The following SEMA5A variants were observed in gnomAD, a reference collection of about 807,000 sequenced individuals.
The protein encoded by SEMA5A is semaphorin 5A, also known as semaphorin-5A.
Under a neutral mutation model 135.5 loss-of-function variants are expected in SEMA5A, and 55 were observed. That is an observed-to-expected ratio of 0.41 (90% CI 0.33 to 0.51). The LOEUF (loss-of-function observed/expected upper bound fraction) is 0.51, where lower values mean the gene tolerates loss of function less well. Among genes scored for constraint, SEMA5A ranks in the 20% least tolerant of loss-of-function variants. The pLI, the probability that SEMA5A is intolerant of heterozygous loss-of-function variation, is 0.37. For synonymous variants in SEMA5A, 580 were observed against 546.5 expected (o/e 1.06, Z -0.85); for missense variants, 1,290 against 1,419.9 (o/e 0.91, Z 1.47).
intron 1 of SEMA5A, among the ~76,000 whole-genome samples, chr5:9,504,430 C>T (rs1271315343): frequency 6.6e-6 from 1 of 152,118 alleles, no homozygotes; most frequent in East Asian, 1.9e-4. Flanking sequence ...CTTCTGCAAG[C>T]TCTAGAGATG....
chr5:9,054,071 G>T lies in SEMA5A; in HGVS notation c.2689+16C>A. On this transcript the variant is annotated intron_variant, in intron 19 of 22. Coordinates refer to ENST00000382496, the MANE Select transcript of SEMA5A (RefSeq NM_003966.3). The stretch of plus-strand genomic sequence containing the variant: ...AATTTGTCTGAAAGCTGTGCAGTAG[G>T]TGAGGTGCCGCTTACCTGGGCAGGG... 6.3e-7 allele frequency: 1 copy of T among 1,596,144 alleles called. No homozygotes were observed. Among genetic ancestry groups the T allele is most frequent in the Non-Finnish European group, 8.5e-7 (1 of 1,173,084 alleles).
At chr5:9,390,176 T>C (rs1048539931) in intron 2 of SEMA5A, among the ~76,000 whole-genome samples, 1 of 152,224 alleles carries the variant, frequency 6.6e-6, no homozygotes, top group Non-Finnish European at 1.5e-5. Context: ...ATTCCCATGG[T>C]TTTGAAAAAT....
chr5:9,297,708 C>T (rs1298411284), intron 5 of SEMA5A, among the ~76,000 whole-genome samples: 1 of 137,828 alleles, frequency 7.3e-6, no homozygotes, highest in African/African-American at 2.7e-5. Context: ...GTACATGCCA[C>T]CATGTCAAGC....
intron 1 of SEMA5A, among the ~76,000 whole-genome samples, chr5:9,541,246 A>G (rs961272352): frequency 1.1e-4 from 16 of 152,240 alleles, no homozygotes; most frequent in Admixed American, 2.0e-4. Flanking sequence ...CTGGTTATTT[A>G]TCATACATAT....
At chr5:9,221,700 C>CA (rs1328218650) in intron 8 of SEMA5A, among the ~76,000 whole-genome samples, 2 of 151,962 alleles carry the variant, frequency 1.3e-5, no homozygotes, top group African/African-American at 2.4e-5. Flanking sequence ...AAATATTGTC[C>CA]AAAAAACGAA....
chr5:9,439,571 G>A (rs1194502371), intron 1 of SEMA5A, among the ~76,000 whole-genome samples: 2 of 152,182 alleles, frequency 1.3e-5, no homozygotes, highest in East Asian at 3.8e-4. Flanking sequence ...GGTCACAAAT[G>A]AGCTGATGTG....
intron 7 of SEMA5A, among the ~76,000 whole-genome samples, chr5:9,225,088 C>A (rs1243415259): frequency 2.0e-5 from 3 of 152,124 alleles, no homozygotes; most frequent in African/African-American, 7.2e-5. Flanking sequence ...CAATCAGTTT[C>A]TTTCTCATCA....
intron 2 of SEMA5A, among the ~76,000 whole-genome samples, chr5:9,408,715 G>C (rs1197733841): frequency 6.6e-6 from 1 of 152,102 alleles, no homozygotes; most frequent in Non-Finnish European, 1.5e-5. Flanking sequence ...CATCAAGAAA[G>C]GTGCACAAGT....
chr5:9,076,203 C>CAA (rs55743535), intron 16 of SEMA5A, among the ~76,000 whole-genome samples: 1,137 of 89,838 alleles, frequency 0.013, 32 homozygotes, highest in African/African-American at 0.044. Flanking sequence ...GACTCCATCT[C>CAA]AAAAAAAAAA....
Position 9,202,016 on chromosome 5 carries a change from A to G in SEMA5A, c.871T>C (p.Leu291=). ...TCAGGCAGGAAGAAAGTACTCTGCA[A>G]TTCGTTGTAGTAAAAGGGGACTTCC... ...PGEVPFYYNE[L]QSTFFLPELD... The change falls in exon 9 of 23, where the codon TTG becomes CTG. Residue 291 remains leucine, a synonymous_variant. Transcript: ENST00000382496. 1 of 1,614,188 alleles carries G rather than the reference A, an allele frequency of 6.2e-7. No individual in the cohort carries two copies. Among genetic ancestry groups the G allele is most frequent in the Non-Finnish European group, 8.5e-7 (1 of 1,180,018 alleles).
At chr5:9,055,878 T>C (rs201418205) in intron 18 of SEMA5A, among the ~76,000 whole-genome samples, 5 of 36,090 alleles carry the variant, frequency 1.4e-4, no homozygotes, top group Non-Finnish European at 2.7e-4. Context: ...ACTTTAAAAA[T>C]TAAAAAAAAA....
chr5:9,412,360 T>C (rs1033170304), intron 2 of SEMA5A, among the ~76,000 whole-genome samples: 1 of 151,952 alleles, frequency 6.6e-6, no homozygotes, highest in Non-Finnish European at 1.5e-5. Flanking sequence ...CTATACCCAA[T>C]AGACTATGCA....
intron 16 of SEMA5A, among the ~76,000 whole-genome samples, chr5:9,072,590 A>G (rs1737830727): frequency 6.6e-6 from 1 of 152,200 alleles, no homozygotes; most frequent in Non-Finnish European, 1.5e-5. Context: ...GAGCAAAACC[A>G]AAAGACCTCA....
chr5:9,227,638 C>T (rs1467750073), intron 6 of SEMA5A, among the ~76,000 whole-genome samples: 11 of 149,158 alleles, frequency 7.4e-5, no homozygotes, highest in Admixed American at 6.7e-4. Flanking sequence ...GCAAGCTCTG[C>T]CTCCCAGGTT....
At chr5:9,049,799 G>T (rs1484872720) in intron 21 of SEMA5A, among the ~76,000 whole-genome samples, 2 of 152,194 alleles carry the variant, frequency 1.3e-5, no homozygotes, top group African/African-American at 4.8e-5. Flanking sequence ...GTAAGGCACA[G>T]ACTGTAAAGT....
intron 1 of SEMA5A, among the ~76,000 whole-genome samples, chr5:9,522,432 C>T (rs1484368152): frequency 1.3e-5 from 2 of 151,982 alleles, no homozygotes. Context: ...AAAATACAAA[C>T]ATTTGCTGGG....
intron 5 of SEMA5A, among the ~76,000 whole-genome samples, chr5:9,293,395 AGGGCCATAT>A (rs76242932): frequency 0.034 from 5,138 of 152,278 alleles, 130 homozygotes; most frequent in Non-Finnish European, 0.053. Context: ...CTCCTCACCC[AGGGCCATAT>A]GAAAAATAAA....
At chr5:9,234,695 G>T (rs909071839) in intron 6 of SEMA5A, among the ~76,000 whole-genome samples, 12 of 152,142 alleles carry the variant, frequency 7.9e-5, no homozygotes, top group African/African-American at 2.9e-4. Flanking sequence ...CTATATTAGT[G>T]TTAAAAAATC....
chr5:9,499,982 T>C (rs547726614), intron 1 of SEMA5A, among the ~76,000 whole-genome samples: 1 of 152,066 alleles, frequency 6.6e-6, no homozygotes, highest in African/African-American at 2.4e-5. Flanking sequence ...CATAAATAAA[T>C]AGAAAACAAT....
Sources: allele counts gnomAD v4.1 joint callset (sites outside exome capture counted in the v4.1 genomes callset), GRCh38; gene constraint gnomAD v4.1.1; transcripts MANE v1.5; gene names NCBI Gene and HGNC (gene_info 2026-07-23, HGNC 2026-07-21).